The following GPM6A variants were observed in gnomAD, a reference collection of about 807,000 sequenced individuals.
GPM6A encodes the protein neuronal membrane glycoprotein M6-a.
GPM6A carries 7 observed loss-of-function variants against 32.1 expected under a neutral mutation model. That is an observed-to-expected ratio of 0.22 (90% CI 0.12 to 0.41). The LOEUF (loss-of-function observed/expected upper bound fraction) is 0.41, where lower values mean the gene tolerates loss of function less well. Ranked by LOEUF, GPM6A falls within the 10% of genes least tolerant of loss-of-function variation. The pLI is 1.00. For missense variants in GPM6A, 235 were observed against 347.2 expected, an observed-to-expected ratio of 0.68 and a Z score of 2.57; for synonymous variants, 130 against 123.4, an observed-to-expected ratio of 1.05 and a Z score of -0.35.
chr4:175,837,319 T>C (rs1735799946), intron 1 of GPM6A, among the ~76,000 whole-genome samples: 1 of 152,140 alleles, frequency 6.6e-6, no homozygotes. Context: ...CTTTCAGACC[T>C]CTGACCACTG....
chr4:175,701,610 T>C lies in GPM6A; in HGVS notation c.195A>G (p.Ala65=). 6.2e-7 allele frequency: 1 copy of C among 1,614,014 alleles called. No homozygotes were observed. Among genetic ancestry groups the C allele is most frequent in the Non-Finnish European group, 8.5e-7 (1 of 1,179,906 alleles). ...CATCCAGTGTGTCTCCAGCAGTTCT[T>C]GCCATCTCAAAGTAGGTTTGCAGAA... ...VNILQTYFEM[A]RTAGDTLDVF... The change falls in exon 2 of 7, where the codon GCA becomes GCG. Residue 65 remains alanine (A), a synonymous_variant. Transcript: ENST00000393658.
At chr4:175,637,137 A>T (rs1448947367) in intron 6 of GPM6A, among the ~76,000 whole-genome samples, 1 of 94,484 alleles carries the variant, frequency 1.1e-5, no homozygotes, top group African/African-American at 4.0e-5. Flanking sequence ...ATAATATATT[A>T]TATATGATAT....
chr4:175,686,044 T>C (rs1743962673), intron 2 of GPM6A, among the ~76,000 whole-genome samples: 1 of 152,194 alleles, frequency 6.6e-6, no homozygotes, highest in Non-Finnish European at 1.5e-5. Flanking sequence ...TATGCTCACA[T>C]GGATTCTTCC....
At chr4:175,637,668 A>ATATATAATATATATATAATATAT (rs1740837273) in intron 6 of GPM6A, among the ~76,000 whole-genome samples, 2 of 63,658 alleles carry the variant, frequency 3.1e-5, no homozygotes, top group African/African-American at 2.2e-4. Context: ...AATATATAAT[A>ATATATAATATATATATAATATAT]TATATAATAT....
intron 1 of GPM6A, among the ~76,000 whole-genome samples, chr4:175,999,732 T>C (rs1489628599): frequency 2.0e-5 from 3 of 152,034 alleles, no homozygotes; most frequent in East Asian, 1.9e-4. Flanking sequence ...GTTTTCATGA[T>C]ACCAGGAAAA....
chr4:175,996,935 T>C (rs1351353394), intron 1 of GPM6A, among the ~76,000 whole-genome samples: 1 of 152,050 alleles, frequency 6.6e-6, no homozygotes, highest in Non-Finnish European at 1.5e-5. Context: ...CATAAGAATC[T>C]TTGCAGCTTC....
At chr4:175,956,340 A>G (rs547755893) in intron 1 of GPM6A, among the ~76,000 whole-genome samples, 1 of 152,320 alleles carries the variant, frequency 6.6e-6, no homozygotes, top group South Asian at 2.1e-4. Context: ...GGGCTTAACA[A>G]TACAAATTCT....
At chr4:175,912,458 C>T (rs999288531) in intron 1 of GPM6A, among the ~76,000 whole-genome samples, 4 of 152,030 alleles carry the variant, frequency 2.6e-5, no homozygotes, top group South Asian at 2.1e-4. Context: ...AGTTCGAGAC[C>T]AGCCAGGCCA....
chr4:175,647,478 T>G (rs1307489476), intron 4 of GPM6A, among the ~76,000 whole-genome samples: 1 of 152,112 alleles, frequency 6.6e-6, no homozygotes, highest in East Asian at 1.9e-4. Context: ...TATCTATAAA[T>G]CCTCCAACTA....
intron 1 of GPM6A, among the ~76,000 whole-genome samples, chr4:175,702,104 T>G (rs943918428): frequency 3.9e-5 from 6 of 152,236 alleles, no homozygotes; most frequent in Non-Finnish European, 7.3e-5. Flanking sequence ...TGCTCCCAAA[T>G]GTCACATGCT....
chr4:175,836,176 C>A (rs1275887107), intron 1 of GPM6A, among the ~76,000 whole-genome samples: 1 of 152,158 alleles, frequency 6.6e-6, no homozygotes, highest in Non-Finnish European at 1.5e-5. Flanking sequence ...TCCCTGAACA[C>A]TTGATTCCCT....
intron 1 of GPM6A, among the ~76,000 whole-genome samples, chr4:175,964,048 C>T (rs1236150346): frequency 1.3e-5 from 2 of 149,844 alleles, no homozygotes; most frequent in Non-Finnish European, 1.5e-5. Flanking sequence ...AAAAAAATCA[C>T]ATTAAATGCT....
At chr4:175,918,629 G>A (rs1738570633) in intron 1 of GPM6A, among the ~76,000 whole-genome samples, 1 of 152,154 alleles carries the variant, frequency 6.6e-6, no homozygotes, top group African/African-American at 2.4e-5. Context: ...CATTTCCTTA[G>A]TCTAAGATCT....
chr4:175,938,874 A>G (rs548486106), intron 1 of GPM6A, among the ~76,000 whole-genome samples: 11 of 152,316 alleles, frequency 7.2e-5, no homozygotes, highest in Non-Finnish European at 1.6e-4. Context: ...TTATGTATCA[A>G]TAAGAAATGG....
intron 1 of GPM6A, among the ~76,000 whole-genome samples, chr4:175,914,219 A>T (rs1380407962): frequency 6.6e-6 from 1 of 152,214 alleles, no homozygotes; most frequent in Admixed American, 6.5e-5. Context: ...GGCTTTGATT[A>T]GTGTTCACTT....
intron 1 of GPM6A, among the ~76,000 whole-genome samples, chr4:175,887,663 G>A (rs114196354): frequency 0.01 from 1,577 of 151,614 alleles, 33 homozygotes; most frequent in African/African-American, 0.035. Flanking sequence ...AAGAACAAAG[G>A]AGGAAAGGTA....
At chr4:175,711,935 T>C (rs927512785) in intron 1 of GPM6A, among the ~76,000 whole-genome samples, 4 of 152,152 alleles carry the variant, frequency 2.6e-5, no homozygotes, top group Admixed American at 1.3e-4. Context: ...CTACAATAAA[T>C]AGATGCTCTA....
intron 1 of GPM6A, among the ~76,000 whole-genome samples, chr4:175,749,518 ATTTAAC>A (rs770083852): frequency 6.6e-6 from 1 of 152,192 alleles, no homozygotes; most frequent in African/African-American, 2.4e-5. Context: ...TAAATGTAAT[ATTTAAC>A]TTTAAAGCAT....
chr4:175,968,790 G>T (rs1740410185), intron 1 of GPM6A, among the ~76,000 whole-genome samples: 1 of 152,166 alleles, frequency 6.6e-6, no homozygotes, highest in Non-Finnish European at 1.5e-5. Context: ...ATGCTGGCAA[G>T]GATGTAGAGA....
Sources: gnomAD v4.1 joint callset for allele counts (sites outside exome capture counted in the v4.1 genomes callset) on GRCh38, gnomAD v4.1.1 for gene constraint, MANE v1.5 for transcripts, NCBI Gene and HGNC (gene_info 2026-07-23, HGNC 2026-07-21) for gene names.